Variants in ELOVL5 observed in about 807,000 individuals in gnomAD.
ELOVL5 encodes very long chain fatty acid elongase 5.
In ELOVL5, 8 loss-of-function variants were observed where a neutral mutation model predicts 38.6. The ratio of observed to expected loss-of-function variants is 0.21; its 90% CI spans 0.12 to 0.37. ELOVL5 has a LOEUF of 0.37. Ranked by LOEUF, ELOVL5 falls within the 10% of genes least tolerant of loss-of-function variation. ELOVL5 has a pLI of 1.00. For synonymous variants in ELOVL5, 127 were observed against 133.7 expected (o/e 0.95, Z 0.34); for missense variants, 280 against 367.8 (o/e 0.76, Z 1.95).
chr6:53,293,824 T>A (rs890239981), intron 2 of ELOVL5, among the ~76,000 whole-genome samples: 2 of 152,202 alleles, frequency 1.3e-5, no homozygotes, highest in African/African-American at 4.8e-5. Flanking sequence ...CAGAGGGACA[T>A]GCCCTCCACA....
At chr6:53,286,237 T>C (rs1221533772) in intron 3 of ELOVL5, among the ~76,000 whole-genome samples, 1 of 152,168 alleles carries the variant, frequency 6.6e-6, no homozygotes, top group African/African-American at 2.4e-5. Context: ...TCTAAGAAGA[T>C]TCTTGGCACA....
intron 1 of ELOVL5, among the ~76,000 whole-genome samples, chr6:53,317,266 G>A (rs749863592): frequency 2.0e-5 from 3 of 152,084 alleles, no homozygotes; most frequent in Non-Finnish European, 4.4e-5. Context: ...TCCCATTAAC[G>A]TCTCTCCAAG....
At chr6:53,342,505 T>G (rs961029623) in intron 1 of ELOVL5, among the ~76,000 whole-genome samples, 1 of 152,210 alleles carries the variant, frequency 6.6e-6, no homozygotes, top group Non-Finnish European at 1.5e-5. Flanking sequence ...TATAAGAGAT[T>G]AATTCTGACA....
At chr6:53,296,572 T>TA (rs965286329) in intron 1 of ELOVL5, among the ~76,000 whole-genome samples, 7 of 151,906 alleles carry the variant, frequency 4.6e-5, no homozygotes, top group East Asian at 1.9e-4. Context: ...GGATCACAGT[T>TA]AAAAAAAACT....
intron 1 of ELOVL5, among the ~76,000 whole-genome samples, chr6:53,316,357 T>A (rs1034744750): frequency 2.6e-5 from 4 of 152,080 alleles, no homozygotes; most frequent in Non-Finnish European, 5.9e-5. Context: ...GGGGGATTAA[T>A]ACAGAGCAGT....
Position 53,348,842 on chromosome 6 carries a change from C to T in ELOVL5, c.-34G>A, listed in dbSNP as rs1325915527. 1 of 458,596 alleles carries T rather than the reference C, an allele frequency of 2.2e-6. No homozygotes were observed. The highest frequency in any genetic ancestry group is 1.5e-5 in the South Asian group (1 of 65,064). The allele number at this position is 458,596 out of a possible 1,614,324, so 28.4% of individuals were successfully genotyped here. A position where few individuals can be genotyped will look rare whatever the true frequency, so the allele number is the denominator to read the frequency against. On this transcript the variant is annotated 5_prime_UTR_variant, in exon 1 of 8. Transcript: ENST00000304434. ...CTTTTAGCCCAAGGGGCGGCAGCAG[C>T]TTTGAGCAGCAGCAAGGCGGCGGCG... is the stretch of plus-strand genomic sequence containing the variant.
At chr6:53,300,131 C>T (rs1268957357) in intron 1 of ELOVL5, among the ~76,000 whole-genome samples, 3 of 152,170 alleles carry the variant, frequency 2.0e-5, no homozygotes, top group East Asian at 3.9e-4. Context: ...TTCAGTATTT[C>T]CCCCAAACTC....
intron 3 of ELOVL5, among the ~76,000 whole-genome samples, chr6:53,281,663 T>C (rs1288522946): frequency 1.3e-5 from 2 of 152,212 alleles, no homozygotes; most frequent in East Asian, 1.9e-4. Flanking sequence ...CTACTCAAAA[T>C]TGAAAGTACC....
At chr6:53,340,980 G>T (rs575205298) in intron 1 of ELOVL5, among the ~76,000 whole-genome samples, 1 of 152,118 alleles carries the variant, frequency 6.6e-6, no homozygotes, top group Non-Finnish European at 1.5e-5. Context: ...GGCTAGGACC[G>T]GGTAAGGAAA....
intron 1 of ELOVL5, among the ~76,000 whole-genome samples, chr6:53,306,544 C>T (rs144036901): frequency 1.4e-4 from 22 of 152,054 alleles, no homozygotes; most frequent in Admixed American, 1.4e-3. Context: ...CAGTTGGTAG[C>T]GGGAGGGTAA....
intron 3 of ELOVL5, among the ~76,000 whole-genome samples, chr6:53,282,371 G>T (rs1008069581): frequency 6.6e-6 from 1 of 152,240 alleles, no homozygotes; most frequent in Non-Finnish European, 1.5e-5. Context: ...AGGTGTTGCA[G>T]GGGCAAGTTT....
At chr6:53,295,963 C>T (rs771397991) in intron 1 of ELOVL5, among the ~76,000 whole-genome samples, 4 of 151,942 alleles carry the variant, frequency 2.6e-5, no homozygotes, top group African/African-American at 9.7e-5. Flanking sequence ...TTTCTTAGTT[C>T]CATAAAAACT....
intron 2 of ELOVL5, chr6:53,294,031 C>A: frequency 8.8e-7 from 1 of 1,132,538 alleles, no homozygotes; most frequent in Non-Finnish European, 1.1e-6. Flanking sequence ...TAACATCAGA[C>A]TGTTATTTTG....
Position 53,341,042 on chromosome 6 carries a change from G to T in ELOVL5, c.-9+7775C>A, listed in dbSNP as rs562626240. ...ATACTAATCCAGCCACACTAGACCA[G>T]TCAGGCTAGTGAACACTGACTCAAC... On this transcript the variant is annotated intron_variant, in intron 1 of 7. Transcript: ENST00000304434. 1.6e-3 allele frequency among the ~76,000 whole-genome samples: 242 copies of T among 152,306 alleles called. 1 individual carries two copies. The highest frequency in any genetic ancestry group is 5.6e-3 in the African/African-American group (232 of 41,560).
At chr6:53,324,260 AAAAAAAAAAAAAAAAG>A (rs1259717155) in intron 1 of ELOVL5, among the ~76,000 whole-genome samples, 4 of 151,568 alleles carry the variant, frequency 2.6e-5, no homozygotes, top group African/African-American at 4.8e-5. Context: ...CTCAAAAAAA[AAAAAAAAAAAAAAAAG>A]AAAAAAAAGA....
intron 1 of ELOVL5, among the ~76,000 whole-genome samples, chr6:53,333,120 A>G (rs2127592087): frequency 6.6e-6 from 1 of 152,324 alleles, no homozygotes; most frequent in Non-Finnish European, 1.5e-5. Flanking sequence ...TCCCTTTGCA[A>G]GAGAACGGTG....
At chr6:53,348,274 C>G (rs1157817130) in intron 1 of ELOVL5, among the ~76,000 whole-genome samples, 2 of 152,138 alleles carry the variant, frequency 1.3e-5, no homozygotes, top group Admixed American at 6.5e-5. Context: ...GAGAACAGGA[C>G]AAAAAGGAAA....
chr6:53,310,385 T>G (rs1318860978), intron 1 of ELOVL5, among the ~76,000 whole-genome samples: 1 of 152,076 alleles, frequency 6.6e-6, no homozygotes. Context: ...AGTAGTTAAC[T>G]CTAGGTTTAT....
chr6:53,287,421 CATT>C lies in ELOVL5; in HGVS notation c.246+4352_246+4354del, dbSNP rs200253047. Among the ~76,000 whole-genome samples, 15 of 152,212 alleles carry C rather than the reference CATT, an allele frequency of 9.9e-5. No homozygotes were observed. In the East Asian group the frequency reaches 2.5e-3, roughly 25 times the overall value. Reference sequence around the variant, plus strand: ...AGTGGGATGAAGAAGGTGGGGAAAACATTGTTTCATTCTAGCCTAAGCCAGTGA... The same window carrying C: ...AGTGGGATGAAGAAGGTGGGGAAAACGTTTCATTCTAGCCTAAGCCAGTGA... On this transcript the variant is annotated intron_variant, in intron 3 of 7. Coordinates refer to ENST00000304434, the MANE Select transcript of ELOVL5 (RefSeq NM_021814.5).
Sources: gnomAD v4.1 joint callset for allele counts (sites outside exome capture counted in the v4.1 genomes callset) on GRCh38, gnomAD v4.1.1 for gene constraint, MANE v1.5 for transcripts, NCBI Gene and HGNC (gene_info 2026-07-23, HGNC 2026-07-21) for gene names.